Variants in ATXN7 observed in about 807,000 individuals in gnomAD.
ATXN7 encodes the protein ataxin 7, also known as ataxin-7.
In ATXN7, 12 loss-of-function variants were observed where a neutral mutation model predicts 70.5. That is an observed-to-expected ratio of 0.17 (90% confidence interval 0.11 to 0.28). The LOEUF (loss-of-function observed/expected upper bound fraction) is 0.28, where lower values mean the gene tolerates loss of function less well. ATXN7 is among the 10% of genes least tolerant of loss of function. ATXN7 has a pLI of 1.00. For synonymous variants in ATXN7, 498 were observed against 448.7 expected (o/e 1.11, Z -1.39); for missense variants, 1,256 against 1,131.7 (o/e 1.11, Z -1.58).
intron 4 of ATXN7, among the ~76,000 whole-genome samples, chr3:63,948,106 A>G (rs1391591770): frequency 6.6e-6 from 1 of 152,184 alleles, no homozygotes; most frequent in South Asian, 2.1e-4. Flanking sequence ...TTTGTAGACT[A>G]CTTAGGGGAC....
intron 5 of ATXN7, 119 bp downstream of exon 5, chr3:63,952,602 C>T (rs2074972702): frequency 1.9e-6 from 1 of 526,514 alleles, no homozygotes; most frequent in African/African-American, 2.0e-5. Context: ...AGGAAGTAGG[C>T]TTTTTAATTC....
intron 5 of ATXN7, among the ~76,000 whole-genome samples, chr3:63,965,056 A>T (rs1268406681): frequency 6.6e-6 from 1 of 152,002 alleles, no homozygotes; most frequent in East Asian, 1.9e-4. Flanking sequence ...ACTGAATGAC[A>T]CCTCTGCTGG....
chr3:63,990,643 T>A, intron 10 of ATXN7, 95 bp from the exon 11 acceptor site: 1 of 1,585,892 alleles, frequency 6.3e-7, no homozygotes, highest in Non-Finnish European at 8.6e-7. Flanking sequence ...CAGTTCTGTC[T>A]TTCCTGATTA....
In ATXN7 at chr3:63,912,730, GC is replaced by G; in HGVS notation, c.136del (p.Gln46SerfsTer44). On this transcript the variant is annotated frameshift_variant, in exon 3 of 13. Transcript: ENST00000674280. LOFTEE classifies it high-confidence loss of function. ...QQQQQPPPPQ[P>X]QRQQHPPPPP... The stretch of plus-strand genomic sequence containing the variant: ...AGCAGCAGCAGCCGCCGCCTCCGCA[GC>G]CCCAGCGGCAGCAGCACCCGCCACC... The G allele has an allele frequency of 1.6e-6, 2 of 1,263,116 alleles. No homozygotes were observed. Among genetic ancestry groups the G allele is most frequent in the Middle Eastern group, 3.0e-4 (1 of 3,378 alleles). 78.2% of individuals were successfully genotyped at this position (1,263,116 alleles called of 1,614,324 possible).
At chr3:63,915,828 C>A (rs1254134732) in intron 4 of ATXN7, among the ~76,000 whole-genome samples, 2 of 151,854 alleles carry the variant, frequency 1.3e-5, no homozygotes, top group East Asian at 3.9e-4. Flanking sequence ...ATTACAGGCA[C>A]GCACCACCAC....
chr3:63,994,577 A>G (rs2075725731), intron 11 of ATXN7, among the ~76,000 whole-genome samples: 1 of 152,160 alleles, frequency 6.6e-6, no homozygotes, highest in African/African-American at 2.4e-5. Context: ...GCAGTCATTA[A>G]TTCATTTTAT....
At chr3:63,887,403 T>A (rs1321624199) in intron 1 of ATXN7, among the ~76,000 whole-genome samples, 1 of 152,240 alleles carries the variant, frequency 6.6e-6, no homozygotes, top group Non-Finnish European at 1.5e-5. Context: ...ACTATTGCCA[T>A]GTATACATTT....
intron 11 of ATXN7, among the ~76,000 whole-genome samples, chr3:63,993,342 A>G (rs2075703815): frequency 6.7e-6 from 1 of 148,642 alleles, no homozygotes; most frequent in South Asian, 2.1e-4. Context: ...AAAAAGGAAA[A>G]CCAAGGCTGA....
In ATXN7 at chr3:63,882,495, G is replaced by A. The variant is rs1022086614; in HGVS notation, c.-110-15904G>A. On this transcript the variant is annotated intron_variant, in intron 1 of 12. Transcript: ENST00000674280. ...CGCCTCACAGGTTCAAGCAATTCTC[G>A]TGTCTCAGTCTCGCAAGTAGTTGGG... 6.8e-4 allele frequency among the ~76,000 whole-genome samples: 102 copies of A among 149,912 alleles called. 2 individuals are homozygous for A. The highest frequency in any genetic ancestry group is 2.5e-4 in the Non-Finnish European group (17 of 67,806).
chr3:63,877,586 C>A (rs1192360644), intron 1 of ATXN7, among the ~76,000 whole-genome samples: 1 of 152,220 alleles, frequency 6.6e-6, no homozygotes, highest in African/African-American at 2.4e-5. Flanking sequence ...CTGTCTATAT[C>A]TGTCTGTGTC....
intron 4 of ATXN7, among the ~76,000 whole-genome samples, chr3:63,947,663 G>T (rs1027537331): frequency 6.6e-6 from 1 of 152,118 alleles, no homozygotes; most frequent in Non-Finnish European, 1.5e-5. Context: ...AGGGAACCAG[G>T]ATTCAGAGTG....
Position 63,952,360 on chromosome 3 carries a change from C to T in ATXN7, c.395-19C>T. ...GTCAGAACCAGATGAGTGAGTGATGCTCTGTTTCTGTGTTGCAGACATGCC... is the reference window on the plus strand; with the variant it reads ...GTCAGAACCAGATGAGTGAGTGATGTTCTGTTTCTGTGTTGCAGACATGCC... On this transcript the variant is annotated intron_variant, in intron 4 of 12. Transcript: ENST00000674280. 1 of 1,573,470 alleles carries T rather than the reference C, an allele frequency of 6.4e-7. No homozygotes were observed. The highest frequency in any genetic ancestry group is 8.7e-7 in the Non-Finnish European group (1 of 1,151,422).
intron 1 of ATXN7, among the ~76,000 whole-genome samples, chr3:63,896,842 G>A (rs1479490837): frequency 6.6e-6 from 1 of 152,212 alleles, no homozygotes; most frequent in Non-Finnish European, 1.5e-5. Context: ...AAACTATCCT[G>A]AAGGAGATTT....
At chr3:63,955,069 G>C (rs1440608671) in intron 5 of ATXN7, among the ~76,000 whole-genome samples, 1 of 152,076 alleles carries the variant, frequency 6.6e-6, no homozygotes, top group Admixed American at 6.6e-5. Flanking sequence ...TCAGTCCCTA[G>C]CACGGTATCT....
At chr3:63,967,533 G>A (rs2075246222) in intron 5 of ATXN7, among the ~76,000 whole-genome samples, 1 of 152,098 alleles carries the variant, frequency 6.6e-6, no homozygotes, top group African/African-American at 2.4e-5. Context: ...AATCATGTAA[G>A]TTTTGTAATA....
chr3:63,998,026 GA>G (rs1216239837), intron 12 of ATXN7: 14 of 985,374 alleles, frequency 1.4e-5, no homozygotes, highest in Non-Finnish European at 1.4e-5. Flanking sequence ...TATAAACACA[GA>G]AGACATGGTG....
At chr3:63,967,935 C>G in intron 5 of ATXN7, 2 of 1,535,918 alleles carry the variant, frequency 1.3e-6, no homozygotes, top group Non-Finnish European at 1.7e-6. Flanking sequence ...AGACGCCTCT[C>G]CAAAGCAGCC....
intron 4 of ATXN7, among the ~76,000 whole-genome samples, chr3:63,919,104 T>C (rs1704404747): frequency 1.3e-5 from 2 of 152,124 alleles, no homozygotes; most frequent in African/African-American, 4.8e-5. Flanking sequence ...GCCTGCATGG[T>C]TTTTGCATTG....
chr3:63,952,335 G>T (rs1302474103), intron 4 of ATXN7, 44 bp from the exon 5 acceptor site: 1 of 1,487,490 alleles, frequency 6.7e-7, no homozygotes. Context: ...TTTTATATCA[G>T]TCAGAACCAG....
Sources: allele counts gnomAD v4.1 joint callset (sites outside exome capture counted in the v4.1 genomes callset), GRCh38; gene constraint gnomAD v4.1.1; transcripts MANE v1.5; gene names NCBI Gene and HGNC (gene_info 2026-07-23, HGNC 2026-07-21).